The following ZNF277 variants were observed in gnomAD, a reference collection of about 807,000 sequenced individuals.
The protein encoded by ZNF277 is zinc finger protein 277.
In ZNF277, 55 loss-of-function variants were observed where a neutral mutation model predicts 60.7. The ratio of observed to expected loss-of-function variants is 0.91; its 90% CI spans 0.73 to 1.13. ZNF277 has a LOEUF of 1.13. ZNF277 is among the 50% of genes most tolerant of loss of function. The pLI is 0.00. For missense variants in ZNF277, 510 were observed against 523.0 expected (o/e 0.98, Z 0.24); for synonymous variants, 178 against 179.3 (o/e 0.99, Z 0.06).
chr7:112,262,698 A>G (rs1302496957), intron 1 of ZNF277, among the ~76,000 whole-genome samples: 1 of 152,030 alleles, frequency 6.6e-6, no homozygotes, highest in Non-Finnish European at 1.5e-5. Flanking sequence ...AAAATGTGCC[A>G]TTTTTCCTAT....
At chr7:112,333,336 G>T (rs897415053) in intron 7 of ZNF277, among the ~76,000 whole-genome samples, 2 of 152,038 alleles carry the variant, frequency 1.3e-5, no homozygotes, top group African/African-American at 4.8e-5. Context: ...AGAAGAGAAA[G>T]AAAAAATATT....
intron 1 of ZNF277, among the ~76,000 whole-genome samples, chr7:112,218,945 A>C (rs1821956826): frequency 6.6e-6 from 1 of 152,198 alleles, no homozygotes; most frequent in Non-Finnish European, 1.5e-5. Context: ...CAGATATCTC[A>C]TAGGCACACT....
Position 112,235,974 on chromosome 7 carries a change from C to CT in ZNF277, c.91+29173dup, listed in dbSNP as rs1790772952. ...TGTAGGGTTTAAGAAAGTAATCCAGCTTTTTTATTTTGCATATGGATATCC... is the reference window on the plus strand; with the variant it reads ...TGTAGGGTTTAAGAAAGTAATCCAGCTTTTTTTATTTTGCATATGGATATCC... On this transcript the variant is annotated intron_variant, in intron 1 of 11. Transcript: ENST00000361822. 2.0e-5 allele frequency among the ~76,000 whole-genome samples: 3 copies of CT among 152,012 alleles called. 1 individual carries two copies. The South Asian group carries it at 6.2e-4, about 31-fold the overall frequency.
intron 1 of ZNF277, among the ~76,000 whole-genome samples, chr7:112,259,546 G>A (rs1041731791): frequency 1.1e-4 from 17 of 152,192 alleles, no homozygotes; most frequent in Admixed American, 9.8e-4. Context: ...ACTTAAGAGC[G>A]CTTAATTTCA....
intron 1 of ZNF277, among the ~76,000 whole-genome samples, chr7:112,250,502 C>G (rs529798879): frequency 6.6e-6 from 1 of 152,286 alleles, no homozygotes; most frequent in Admixed American, 6.5e-5. Flanking sequence ...TAAAAACTTG[C>G]TGGTTTTTGC....
In ZNF277 at chr7:112,224,150, A is replaced by T. The variant is rs184613580; in HGVS notation, c.91+17343A>T. Reference sequence around the variant, plus strand: ...TAAAGAAAAACTAGAGCTGGACAGTAAACTGGCAGAAAAAATATTTTATTC... The same window carrying T: ...TAAAGAAAAACTAGAGCTGGACAGTTAACTGGCAGAAAAAATATTTTATTC... On this transcript the variant is annotated intron_variant, in intron 1 of 11. Transcript: ENST00000361822. 5.3e-5 allele frequency among the ~76,000 whole-genome samples: 8 copies of T among 152,340 alleles called. No homozygotes were observed. In the East Asian group the frequency reaches 1.5e-3, roughly 29 times the overall value.
At chr7:112,255,841 C>T (rs1444535749) in intron 1 of ZNF277, among the ~76,000 whole-genome samples, 2 of 152,162 alleles carry the variant, frequency 1.3e-5, no homozygotes, top group African/African-American at 4.8e-5. Flanking sequence ...CCTTGAAGTG[C>T]CCTGCTTTTC....
intron 1 of ZNF277, among the ~76,000 whole-genome samples, chr7:112,276,483 G>T (rs1791795929): frequency 6.6e-6 from 1 of 152,084 alleles, no homozygotes; most frequent in East Asian, 1.9e-4. Context: ...TAAAAATTTG[G>T]ACGGGGAGCA....
Position 112,343,133 on chromosome 7 carries a change from C to G in ZNF277, c.*404C>G, listed in dbSNP as rs758214147. Reference sequence around the variant, plus strand: ...CTCCCCAAGGACCTTCTTCATCCAACAAGTTGCAAAATTTGAATATCCCTT... The same window carrying G: ...CTCCCCAAGGACCTTCTTCATCCAAGAAGTTGCAAAATTTGAATATCCCTT... On this transcript the variant is annotated 3_prime_UTR_variant, in exon 12 of 12. Coordinates refer to ENST00000361822, the MANE Select transcript of ZNF277 (RefSeq NM_021994.3). The G allele has an allele frequency of 6.4e-6, 1 of 155,090 alleles. No individual in the cohort carries two copies. Among genetic ancestry groups the G allele is most frequent in the African/African-American group, 2.4e-5 (1 of 41,474 alleles). The allele number at this position is 155,090 out of a possible 1,614,324, so 9.6% of individuals were successfully genotyped here. A position where few individuals can be genotyped will look rare whatever the true frequency, so the allele number is the denominator to read the frequency against.
chr7:112,219,200 AT>A (rs1821963804), intron 1 of ZNF277, among the ~76,000 whole-genome samples: 1 of 152,158 alleles, frequency 6.6e-6, no homozygotes, highest in Admixed American at 6.5e-5. Flanking sequence ...CATTTCTCTA[AT>A]GATTAGTGAT....
At chr7:112,280,356 AATC>A (rs1791912603) in intron 1 of ZNF277, among the ~76,000 whole-genome samples, 1 of 152,176 alleles carries the variant, frequency 6.6e-6, no homozygotes, top group Non-Finnish European at 1.5e-5. Context: ...AAATGTTAAT[AATC>A]AGCATAGAAT....
chr7:112,321,226 G>A (rs1016736546), intron 5 of ZNF277, among the ~76,000 whole-genome samples: 4 of 151,708 alleles, frequency 2.6e-5, no homozygotes, highest in African/African-American at 9.7e-5. Flanking sequence ...CGGCTCCCTT[G>A]TTTCTTATAC....
chr7:112,296,086 C>A, intron 3 of ZNF277, 129 bp downstream of exon 3: 1 of 1,009,996 alleles, frequency 9.9e-7, no homozygotes, highest in Non-Finnish European at 1.5e-6. Flanking sequence ...GTTTATTTTG[C>A]CTAACTTGAA....
At chr7:112,243,553 A>T (rs1791009483) in intron 1 of ZNF277, among the ~76,000 whole-genome samples, 1 of 151,918 alleles carries the variant, frequency 6.6e-6, no homozygotes, top group African/African-American at 2.4e-5. Flanking sequence ...AAGACATACA[A>T]ATGGCCAAAA....
intron 1 of ZNF277, among the ~76,000 whole-genome samples, chr7:112,281,717 C>G (rs946941641): frequency 6.6e-6 from 1 of 151,830 alleles, no homozygotes; most frequent in Non-Finnish European, 1.5e-5. Context: ...AAACTGAGTA[C>G]CTTCGGTCCA....
rs1260781250 is a variant in ZNF277, at chr7:112,206,788, C to A, written c.72C>A (p.Val24=). Residue 24 remains valine, a synonymous_variant, in exon 1 of 12, where the codon GTC becomes GTA. Transcript: ENST00000361822. ...QEDRDGSCST[V]GGVGYGDSKD... ...ACCGTGATGGGAGCTGCAGCACAGT[C>A]GGGGGTGTAGGTTATGGGGGTGAGT... 1.2e-6 allele frequency: 2 copies of A among 1,613,182 alleles called. No individual in the cohort carries two copies. The highest frequency in any genetic ancestry group is 1.7e-6 in the Non-Finnish European group (2 of 1,179,728).
At chr7:112,342,434 C>G in intron 11 of ZNF277, 127 bp from the exon 12 acceptor site, 1 of 737,326 alleles carries the variant, frequency 1.4e-6, no homozygotes, top group South Asian at 2.8e-5. Flanking sequence ...CCAGTATAGC[C>G]TTTGCAAAAT....
At chr7:112,286,841 C>CTGTTTTTTTT (rs1792074192) in intron 1 of ZNF277, 32 bp from the exon 2 acceptor site, 1 of 788,896 alleles carries the variant, frequency 1.3e-6, no homozygotes, top group Non-Finnish European at 1.7e-6. Flanking sequence ...TTCTTTCTTT[C>CTGTTTTTTTT]TTTTTTTTTT....
chr7:112,228,907 C>T (rs903336022), intron 1 of ZNF277, among the ~76,000 whole-genome samples: 5 of 152,062 alleles, frequency 3.3e-5, no homozygotes, highest in African/African-American at 9.7e-5. Context: ...TCTGTTTTCT[C>T]GCAACTAAAA....
Sources: gnomAD v4.1 joint callset for allele counts (sites outside exome capture counted in the v4.1 genomes callset) on GRCh38, gnomAD v4.1.1 for gene constraint, MANE v1.5 for transcripts, NCBI Gene and HGNC (gene_info 2026-07-23, HGNC 2026-07-21) for gene names.